MAN2A2: variants seen among roughly 807,000 people sequenced by gnomAD.
MAN2A2 encodes alpha-mannosidase 2x.
In MAN2A2, 79 loss-of-function variants were observed where a neutral mutation model predicts 126.8. The observed-to-expected ratio is 0.62, with a 90% CI of 0.52 to 0.75. The LOEUF is 0.75. Among genes scored for constraint, MAN2A2 ranks in the 30% least tolerant of loss-of-function variants. MAN2A2 has a pLI of 0.00. For synonymous variants in MAN2A2, 671 were observed against 618.7 expected (o/e 1.08, Z -1.25); for missense variants, 1,392 against 1,522.4 (o/e 0.91, Z 1.43).
chr15:90,917,243 C>T (rs1317686639), intron 20 of MAN2A2, among the ~76,000 whole-genome samples: 1 of 152,244 alleles, frequency 6.6e-6, no homozygotes, highest in South Asian at 2.1e-4. Flanking sequence ...ATATTTCCAT[C>T]CTTGCAGAAT....
At chr15:90,916,480 G>A (rs2035193342) in intron 20 of MAN2A2, 1 of 1,201,304 alleles carries the variant, frequency 8.3e-7, no homozygotes, top group Admixed American at 2.1e-5. Context: ...TGCCCCTCAT[G>A]TTCGTCTCCC....
At chr15:90,904,069 T>C (rs1179877172) in intron 1 of MAN2A2, 121 bp from the exon 2 acceptor site, 2 of 1,112,068 alleles carry the variant, frequency 1.8e-6, no homozygotes, top group Non-Finnish European at 2.7e-6. Context: ...TTGTGCTACT[T>C]GGAGCCAGGC....
chr15:90,905,806 A>G (rs1198952203), intron 4 of MAN2A2, 39 bp from the exon 5 acceptor site: 6 of 1,584,242 alleles, frequency 3.8e-6, no homozygotes, highest in Admixed American at 3.7e-5. Context: ...GTCGAAGAAG[A>G]TGGTGGCATC....
Position 90,910,865 on chromosome 15 carries a change from C to T in MAN2A2, c.1779C>T (p.Val593=). Residue 593 remains valine (V), a synonymous_variant, in exon 12 of 23, where the codon GTC becomes GTT. Transcript: ENST00000559717. Reference sequence around the variant, plus strand: ...CCCACAGGCTTCTGCGCTCCCTTGTCAACCTGAAGCAGGTCATCATTCATG... The same window carrying T: ...CCCACAGGCTTCTGCGCTCCCTTGTTAACCTGAAGCAGGTCATCATTCATG... ...DYGVRLLRSL[V]NLKQVIIHAA... 6.2e-7 allele frequency: 1 copy of T among 1,614,080 alleles called. No individual in the cohort carries two copies. Among genetic ancestry groups the T allele is most frequent in the Non-Finnish European group, 8.5e-7 (1 of 1,179,970 alleles).
At chr15:90,914,680 C>T (rs1360448962) in intron 19 of MAN2A2, among the ~76,000 whole-genome samples, 1 of 152,128 alleles carries the variant, frequency 6.6e-6, no homozygotes, top group African/African-American at 2.4e-5. Context: ...CCACCATGCG[C>T]AGCTAGTTTT....
At position 90,907,576 on chromosome 15, in the gene MAN2A2, G is replaced by A. The variant is rs2034400741; in HGVS notation, c.1196+81G>A. On this transcript the variant is annotated intron_variant, in intron 8 of 22. Transcript: ENST00000559717. Reference sequence around the variant, plus strand: ...CTGGGCCGTGCCACGTGGAGGGTGGGCTCAGGTGGTGAGTTGAGGCTCCTA... The same window carrying A: ...CTGGGCCGTGCCACGTGGAGGGTGGACTCAGGTGGTGAGTTGAGGCTCCTA... 1.2e-5 allele frequency: 17 copies of A among 1,400,502 alleles called. No individual in the cohort carries two copies. The East Asian group carries it at 3.7e-4, about 31-fold the overall frequency. The allele number at this position is 1,400,502 out of a possible 1,614,324, so 86.8% of individuals were successfully genotyped here.
intron 20 of MAN2A2, chr15:90,916,541 T>C: frequency 2.8e-6 from 4 of 1,413,902 alleles, no homozygotes; most frequent in Non-Finnish European, 3.8e-6. Flanking sequence ...TCTCTAAGCC[T>C]GTGCTCCAAC....
intron 2 of MAN2A2, among the ~76,000 whole-genome samples, chr15:90,904,663 C>T (rs1249785878): frequency 1.3e-5 from 2 of 151,392 alleles, no homozygotes; most frequent in African/African-American, 4.9e-5. Context: ...GATCTTGGCT[C>T]ACTGCAACCT....
chr15:90,903,788 C>G, intron 1 of MAN2A2: 1 of 312,914 alleles, frequency 3.2e-6, no homozygotes, highest in South Asian at 2.7e-5. Context: ...CTATCAGTCT[C>G]TTTGGGTTCT....
Position 90,918,653 on chromosome 15 carries a change from C to G in MAN2A2, c.3198C>G (p.Thr1066=). 1 of 1,517,962 alleles carries G rather than the reference C, an allele frequency of 6.6e-7. No individual in the cohort carries two copies. The highest frequency in any genetic ancestry group is 9.1e-7 in the Non-Finnish European group (1 of 1,093,256). 94.0% of individuals were successfully genotyped at this position (1,517,962 alleles called of 1,614,324 possible). The part of the protein sequence containing the change: ...NLRTLQAEED[T]LPSAETALIL... ...CACTGTCTGTCATCCAGGAGGACAC[C>G]CTACCCTCGGCGGAGACCGCACTCA... The change falls in exon 22 of 23, where the codon ACC becomes ACG. Residue 1066 remains threonine (T), a synonymous_variant. Coordinates refer to ENST00000559717, the MANE Select transcript of MAN2A2 (RefSeq NM_006122.4).
At chr15:90,914,583 A>G (rs1015945509) in intron 19 of MAN2A2, among the ~76,000 whole-genome samples, 3 of 152,038 alleles carry the variant, frequency 2.0e-5, no homozygotes, top group Non-Finnish European at 2.9e-5. Flanking sequence ...GCAGTGGTGC[A>G]ATCTCCGCTC....
upstream of MAN2A2, chr15:90,902,506 C>G (rs937883220): frequency 6.6e-6 from 1 of 152,226 alleles, no homozygotes; most frequent in African/African-American, 2.4e-5. Context: ...TCGACCACTG[C>G]CCGATCATGC....
intron 10 of MAN2A2, 33 bp from the exon 11 acceptor site, chr15:90,910,468 G>T (rs770690032): frequency 1.2e-6 from 2 of 1,610,970 alleles, no homozygotes; most frequent in Non-Finnish European, 1.7e-6. Flanking sequence ...GGCTAGTGGT[G>T]CAGGCTGGCA....
chr15:90,915,502 C>T (rs1216694767), intron 19 of MAN2A2: 1 of 152,326 alleles, frequency 6.6e-6, no homozygotes, highest in Non-Finnish European at 1.5e-5. Flanking sequence ...CAAAGGTGGT[C>T]ACTTGCCATA....
Position 90,907,383 on chromosome 15 carries a change from C to G in MAN2A2, c.1084C>G (p.Pro362Ala). Residue 362 changes from proline to alanine, a missense_variant, in exon 8 of 23, where the codon CCA (proline) becomes GCA (alanine). Physicochemically the swap from Pro to Ala is conservative, Grantham distance 27 (BLOSUM62 -1). Coordinates refer to ENST00000559717, the MANE Select transcript of MAN2A2 (RefSeq NM_006122.4). ...CTATGACGTCCCCCATACCTGTGGC[C>G]CAGATCCCAAGATCTGCTGCCAATT... Reference protein sequence around the residue: ...YSYDVPHTCGPDPKICCQFDF... With the variant: ...YSYDVPHTCGADPKICCQFDF... The G allele has an allele frequency of 1.2e-6, 2 of 1,614,138 alleles. No homozygotes were observed. The highest frequency in any genetic ancestry group is 1.7e-6 in the Non-Finnish European group (2 of 1,179,998).
Position 90,906,946 on chromosome 15 carries a change from A to C in MAN2A2, c.1009+33A>C, listed in dbSNP as rs1470293805. On this transcript the variant is annotated intron_variant, in intron 7 of 22. Transcript: ENST00000559717. ...CGGGTAGGGTAGAGGGGGTTACTGC[A>C]GCATAGTCTTCACTGGGGAACAGCA... The C allele has an allele frequency of 2.5e-6, 4 of 1,609,398 alleles. No homozygotes were observed. In the East Asian group the frequency reaches 6.7e-5, roughly 27 times the overall value.
Position 90,920,135 on chromosome 15 carries a change from C to G in MAN2A2, c.*348C>G. The stretch of plus-strand genomic sequence containing the variant: ...GGGATATAGAAGTGGTGGAAGCAGA[C>G]AGAAGAGGTAAGGGAGGCTAAGTGG... On this transcript the variant is annotated 3_prime_UTR_variant, in exon 23 of 23. Transcript: ENST00000559717. The G allele has an allele frequency of 3.9e-6, 1 of 255,398 alleles. No homozygotes were observed. Among genetic ancestry groups the G allele is most frequent in the Non-Finnish European group, 7.7e-6 (1 of 130,612 alleles). The allele number at this position is 255,398 out of a possible 1,614,324, so 15.8% of individuals were successfully genotyped here.
At position 90,913,386 on chromosome 15, in the gene MAN2A2, A is replaced by T; in HGVS notation, c.2698A>T (p.Thr900Ser). Residue 900 changes from threonine (T) to serine (S), a missense_variant, in exon 18 of 23, where the codon ACA (threonine) becomes TCA (serine). Transcript: ENST00000559717. ...TDIDSQGIFF[T>S]DLNGFQVQPR... ...CATCGACAGCCAGGGTATCTTCTTC[A>T]CAGACCTCAATGGCTTTCAGGTGAC... 1 of 1,594,320 alleles carries T rather than the reference A, an allele frequency of 6.3e-7. No homozygotes were observed. The highest frequency in any genetic ancestry group is 2.2e-5 in the East Asian group (1 of 44,780).
chr15:90,921,803 C>T lies in MAN2A2; in HGVS notation c.*2016C>T, dbSNP rs1473957125. 2.0e-5 allele frequency: 3 copies of T among 152,098 alleles called. No individual in the cohort carries two copies. Among genetic ancestry groups the T allele is most frequent in the African/African-American group, 7.2e-5 (3 of 41,402 alleles). The allele number at this position is 152,098 out of a possible 1,614,324, so 9.4% of individuals were successfully genotyped here. A position where few individuals can be genotyped will look rare whatever the true frequency, so the allele number is the denominator to read the frequency against. Reference sequence around the variant, plus strand: ...GAATGGTGGCGCGCGCCTGTAATCCCAGTTACTTAGGAGGCTGAGGCAGGA... The same window carrying T: ...GAATGGTGGCGCGCGCCTGTAATCCTAGTTACTTAGGAGGCTGAGGCAGGA... On this transcript the variant is annotated 3_prime_UTR_variant, in exon 23 of 23. Transcript: ENST00000559717.
Sources: allele counts gnomAD v4.1 joint callset (sites outside exome capture counted in the v4.1 genomes callset), GRCh38; gene constraint gnomAD v4.1.1; transcripts MANE v1.5; gene names NCBI Gene and HGNC (gene_info 2026-07-23, HGNC 2026-07-21).